The following STK3 variants were observed in gnomAD, a reference collection of about 807,000 sequenced individuals.
STK3 encodes serine/threonine-protein kinase 3.
STK3 carries 41 observed loss-of-function variants against 58.0 expected under a neutral mutation model. The observed-to-expected ratio is 0.71, with a 90% CI of 0.55 to 0.92. The LOEUF (loss-of-function observed/expected upper bound fraction) is 0.92, where lower values mean the gene tolerates loss of function less well. Among genes scored for constraint, STK3 ranks in the 40% least tolerant of loss-of-function variants. The pLI, the probability that STK3 is intolerant of heterozygous loss-of-function variation, is 0.00. For missense variants in STK3, 479 were observed against 602.7 expected (o/e 0.79, Z 2.15); for synonymous variants, 170 against 191.0 (o/e 0.89, Z 0.91).
intron 1 of STK3, among the ~76,000 whole-genome samples, chr8:98,386,061 G>A (rs55949731): frequency 0.092 from 14,071 of 152,180 alleles, 728 homozygotes; most frequent in African/African-American, 0.11. Flanking sequence ...CTGAAAGTTT[G>A]ACAATATACT....
intron 1 of STK3, among the ~76,000 whole-genome samples, chr8:98,815,617 C>G (rs1040053084): frequency 2.6e-5 from 4 of 152,124 alleles, no homozygotes; most frequent in Non-Finnish European, 5.9e-5. Flanking sequence ...GAAAGTGATT[C>G]CAATGGATTA....
rs1480950741 is a variant in STK3 at position 98,428,088 on chromosome 8, C to T, written n.483+6039G>A. 2 of 1,613,810 alleles carry T rather than the reference C, an allele frequency of 1.2e-6. No homozygotes were observed. The highest frequency in any genetic ancestry group is 1.7e-6 in the Non-Finnish European group (2 of 1,179,988). Reference sequence around the variant, plus strand: ...GAGGCTGCGCTCGCACACGCTGCTGCGCTTCCCCGAGACGCGCCTGGGCCG... The same window carrying T: ...GAGGCTGCGCTCGCACACGCTGCTGTGCTTCCCCGAGACGCGCCTGGGCCG... On this transcript the variant is annotated intron_variant and non_coding_transcript_variant, in intron 3 of 3. Transcript: ENST00000517832. The surrounding 1 kb of genome is among the most constrained non-coding windows in gnomAD (Gnocchi z 6.7).
chr8:98,738,006 G>A lies in STK3; in HGVS notation c.351+11270C>T, dbSNP rs1011304904. 1.2e-4 allele frequency among the ~76,000 whole-genome samples: 19 copies of A among 152,112 alleles called. 1 individual carries two copies. The highest frequency in any genetic ancestry group is 7.7e-4 in the East Asian group (4 of 5,180). ...ATTACAGGCGTGAGCCACCGCACCC[G>A]GCCGAATGATTTTCAAGAGGATTTA... On this transcript the variant is annotated intron_variant, in intron 4 of 10. Transcript: ENST00000419617.
At chr8:98,751,041 AAAAT>A (rs1829943363) in intron 3 of STK3, among the ~76,000 whole-genome samples, 1 of 152,234 alleles carries the variant, frequency 6.6e-6, no homozygotes, top group Non-Finnish European at 1.5e-5. Flanking sequence ...GGCTTTCGAT[AAAAT>A]CAGACATCCA....
chr8:98,553,401 A>C (rs1341040952), intron 8 of STK3: 1 of 152,108 alleles, frequency 6.6e-6, no homozygotes, highest in African/African-American at 2.4e-5. Flanking sequence ...TGTATTCCTG[A>C]TGTCTGGTAA....
chr8:98,495,133 G>A (rs887078587), intron 10 of STK3, among the ~76,000 whole-genome samples: 31 of 152,158 alleles, frequency 2.0e-4, no homozygotes, highest in Admixed American at 1.9e-3. Flanking sequence ...TATTTTGCCC[G>A]TACATCTCCA....
intron 10 of STK3, among the ~76,000 whole-genome samples, chr8:98,482,043 G>A (rs1208176356): frequency 2.0e-5 from 3 of 152,092 alleles, no homozygotes; most frequent in African/African-American, 4.8e-5. Flanking sequence ...CAAATTCAAG[G>A]AATTCAAATT....
chr8:98,619,166 C>G (rs1587043675), intron 6 of STK3, among the ~76,000 whole-genome samples: 2 of 150,914 alleles, frequency 1.3e-5, no homozygotes, highest in Admixed American at 1.3e-4. Context: ...CGCCGCATAC[C>G]TACAACTATC....
intron 1 of STK3, among the ~76,000 whole-genome samples, chr8:98,796,442 A>G (rs931209928): frequency 6.6e-6 from 1 of 152,240 alleles, no homozygotes; most frequent in Admixed American, 6.5e-5. Flanking sequence ...AGCCATACGC[A>G]AAAGAATGAA....
At chr8:98,633,846 G>A (rs1315625673) in intron 6 of STK3, 1 of 425,634 alleles carries the variant, frequency 2.3e-6, no homozygotes, top group Admixed American at 3.6e-5. Flanking sequence ...TCCCAAACTT[G>A]AAGTCATCAA....
At chr8:98,357,602 T>A in the STK3 span, among the ~76,000 whole-genome samples, 2 of 152,280 alleles carry the variant, frequency 1.3e-5, no homozygotes, top group East Asian at 3.9e-4. Flanking sequence ...ACACACAACA[T>A]CTGGAGGGAG....
At chr8:98,761,699 C>G (rs954677566) in intron 3 of STK3, among the ~76,000 whole-genome samples, 31 of 152,324 alleles carry the variant, frequency 2.0e-4, no homozygotes, top group African/African-American at 7.2e-4. Flanking sequence ...CTCAATCACA[C>G]AGCAATTTAT....
chr8:98,673,621 G>A (rs1396029145), intron 6 of STK3, among the ~76,000 whole-genome samples: 1 of 152,028 alleles, frequency 6.6e-6, no homozygotes, highest in Non-Finnish European at 1.5e-5. Context: ...CAGGTGGGAT[G>A]GTGGAGAATG....
chr8:98,411,006 C>A (rs545058223), intron 3 of STK3, among the ~76,000 whole-genome samples: 15 of 152,296 alleles, frequency 9.8e-5, no homozygotes, highest in Non-Finnish European at 5.9e-5. Flanking sequence ...TCCATCACCA[C>A]CCCCCAGAAA....
chr8:98,753,740 CA>C (rs372627801), intron 3 of STK3, among the ~76,000 whole-genome samples: 37 of 150,618 alleles, frequency 2.5e-4, no homozygotes, highest in Middle Eastern at 3.4e-3. Context: ...GCAATAAATA[CA>C]AAAAAAAATA....
chr8:98,760,173 ACT>A (rs1457489142), intron 3 of STK3, among the ~76,000 whole-genome samples: 1 of 152,054 alleles, frequency 6.6e-6, no homozygotes, highest in African/African-American at 2.4e-5. Context: ...ACAGGGTATC[ACT>A]CTGTCACCCA....
intron 8 of STK3, among the ~76,000 whole-genome samples, chr8:98,557,003 C>A (rs757340021): frequency 2.0e-5 from 3 of 151,888 alleles, no homozygotes; most frequent in Non-Finnish European, 4.4e-5. Context: ...TATTTGTAAT[C>A]AAAAAATGAC....
At chr8:98,484,140 T>C (rs1439616059) in intron 10 of STK3, among the ~76,000 whole-genome samples, 1 of 65,764 alleles carries the variant, frequency 1.5e-5, no homozygotes, top group East Asian at 5.6e-4. Flanking sequence ...GTCCACTAAG[T>C]AGACTTAGAC....
chr8:98,787,443 G>A (rs1310689506), intron 1 of STK3, among the ~76,000 whole-genome samples: 3 of 152,032 alleles, frequency 2.0e-5, no homozygotes, highest in Admixed American at 6.5e-5. Context: ...TATGTTAAAC[G>A]ACCAAACCTA....
Sources: gnomAD v4.1 joint callset for allele counts (sites outside exome capture counted in the v4.1 genomes callset) on GRCh38, gnomAD v4.1.1 for gene constraint, Gnocchi (gnomAD v3.1) non-coding constraint, MANE v1.5 for transcripts, NCBI Gene and HGNC (gene_info 2026-07-23, HGNC 2026-07-21) for gene names.